The following CCDC125 variants were observed in gnomAD, a reference collection of about 807,000 sequenced individuals.
CCDC125 encodes the protein coiled-coil domain containing 125, also known as coiled-coil domain-containing protein 125.
In CCDC125, 43 loss-of-function variants were observed where a neutral mutation model predicts 57.4. That is an observed-to-expected ratio of 0.75 (90% CI 0.59 to 0.97). The LOEUF (loss-of-function observed/expected upper bound fraction) is 0.97, where lower values mean the gene tolerates loss of function less well. Ranked by LOEUF, CCDC125 falls within the 50% of genes least tolerant of loss-of-function variation. The probability of loss-of-function intolerance (pLI) is 0.00; values close to 1 mark genes in which losing one functional copy is unlikely to be tolerated. For synonymous variants in CCDC125, 187 were observed against 195.2 expected (o/e 0.96, Z 0.35); for missense variants, 563 against 595.7 (o/e 0.95, Z 0.57).
intron 8 of CCDC125, 71 bp downstream of exon 8, chr5:69,299,940 CA>C (rs1756101211): frequency 8.6e-7 from 1 of 1,162,870 alleles, no homozygotes; most frequent in Non-Finnish European, 1.3e-6. Flanking sequence ...AATGTGTACA[CA>C]AGGGCAATGG....
At chr5:69,321,362 A>G (rs947897033) in intron 1 of CCDC125, among the ~76,000 whole-genome samples, 1 of 152,218 alleles carries the variant, frequency 6.6e-6, no homozygotes. Flanking sequence ...AAGAAAACCC[A>G]TCAGTAAAGT....
chr5:69,289,323 G>T (rs1413597958), intron 10 of CCDC125, among the ~76,000 whole-genome samples: 1 of 152,168 alleles, frequency 6.6e-6, no homozygotes, highest in Non-Finnish European at 1.5e-5. Flanking sequence ...GCTATTAAGG[G>T]CTTAGCTGAG....
chr5:69,311,039 C>G (rs1365626897), intron 4 of CCDC125, 79 bp downstream of exon 4: 2 of 906,068 alleles, frequency 2.2e-6, no homozygotes, highest in Non-Finnish European at 3.4e-6. Context: ...GTCCTTCTGC[C>G]TTGGTTTTAA....
chr5:69,318,444 T>C (rs1367971684), intron 2 of CCDC125, among the ~76,000 whole-genome samples: 1 of 151,640 alleles, frequency 6.6e-6, no homozygotes, highest in Non-Finnish European at 1.5e-5. Context: ...AGACTGTCTC[T>C]TTTTAAAAAA....
the CCDC125 span, chr5:69,273,069 G>T: frequency 1.4e-6 from 2 of 1,400,920 alleles, no homozygotes; most frequent in Non-Finnish European, 1.9e-6. Flanking sequence ...TTTTATACTA[G>T]GAAATATAAA....
At chr5:69,303,717 A>C (rs1469840015) in intron 7 of CCDC125, 130 bp downstream of exon 7, 6 of 597,050 alleles carry the variant, frequency 1.0e-5, no homozygotes, top group Non-Finnish European at 1.7e-5. Context: ...CACCTTGATA[A>C]ATTTTCTTAA....
chr5:69,302,952 T>C (rs919701156), intron 7 of CCDC125, among the ~76,000 whole-genome samples: 2 of 152,116 alleles, frequency 1.3e-5, no homozygotes, highest in Admixed American at 1.3e-4. Context: ...AGATTTTACT[T>C]TGGAGTACTG....
intron 7 of CCDC125, among the ~76,000 whole-genome samples, chr5:69,300,464 G>A (rs890214899): frequency 5.3e-5 from 8 of 152,180 alleles, no homozygotes; most frequent in African/African-American, 1.9e-4. Flanking sequence ...TGAGAAAACT[G>A]GATGGTGAGA....
downstream of CCDC125, chr5:69,276,527 T>C: frequency 1.2e-6 from 2 of 1,611,238 alleles, no homozygotes; most frequent in Non-Finnish European, 1.7e-6. Flanking sequence ...ACTTTTGGTA[T>C]CTTTTCTTTT....
chr5:69,284,244 G>A (rs905441624), intron 11 of CCDC125, among the ~76,000 whole-genome samples: 4 of 151,660 alleles, frequency 2.6e-5, no homozygotes, highest in South Asian at 2.1e-4. Flanking sequence ...ATATATCAAC[G>A]TGCATATTTA....
chr5:69,301,015 C>T (rs972002910), intron 7 of CCDC125, among the ~76,000 whole-genome samples: 6 of 146,708 alleles, frequency 4.1e-5, no homozygotes, highest in African/African-American at 1.2e-4. Context: ...CCTTAACCTC[C>T]CAATCAGCCA....
At chr5:69,307,423 C>G (rs898859643) in intron 5 of CCDC125, among the ~76,000 whole-genome samples, 9 of 152,064 alleles carry the variant, frequency 5.9e-5, no homozygotes, top group Admixed American at 2.6e-4. Context: ...TGTCTCACGC[C>G]TGTAATCCCA....
At chr5:69,299,958 G>A (rs917116352) in intron 8 of CCDC125, 54 bp downstream of exon 8, 1 of 1,332,950 alleles carries the variant, frequency 7.5e-7, no homozygotes. Context: ...ATGGGAGAAA[G>A]AAAGGAAAGT....
At chr5:69,286,188 C>CTATATATATATATATA (rs59035946) in intron 10 of CCDC125, among the ~76,000 whole-genome samples, 1 of 51,340 alleles carries the variant, frequency 1.9e-5, no homozygotes, top group Non-Finnish European at 3.4e-5. Context: ...AAATGGTAAA[C>CTATATATATATATATA]TATATATATA....
chr5:69,306,281 T>G (rs1757315523), intron 6 of CCDC125, among the ~76,000 whole-genome samples: 1 of 152,162 alleles, frequency 6.6e-6, no homozygotes, highest in African/African-American at 2.4e-5. Flanking sequence ...AAATAATTCT[T>G]ACACTGTATT....
At chr5:69,294,696 C>T in intron 9 of CCDC125, 97 bp downstream of exon 9, 1 of 892,198 alleles carries the variant, frequency 1.1e-6, no homozygotes, top group Non-Finnish European at 1.8e-6. Flanking sequence ...TAGGCAATAA[C>T]TACTAAAATG....
chr5:69,326,288 T>A (rs1322382958), intron 1 of CCDC125, among the ~76,000 whole-genome samples: 1 of 152,234 alleles, frequency 6.6e-6, no homozygotes, highest in East Asian at 1.9e-4. Flanking sequence ...AGTAAAAGTC[T>A]AAAATATCTA....
intron 9 of CCDC125, 29 bp from the exon 10 acceptor site, chr5:69,292,391 T>C (rs1275356690): frequency 6.3e-7 from 1 of 1,587,388 alleles, no homozygotes; most frequent in Non-Finnish European, 8.6e-7. Flanking sequence ...TTGGGAGGTG[T>C]CAGAGGCAAA....
chr5:69,292,452 A>G, intron 9 of CCDC125, 90 bp from the exon 10 acceptor site: 1 of 864,842 alleles, frequency 1.2e-6, no homozygotes, highest in African/African-American at 1.7e-5. Context: ...ATGCAATCTC[A>G]CTGCCTAGCA....
Sources: gnomAD v4.1 joint callset for allele counts (sites outside exome capture counted in the v4.1 genomes callset) on GRCh38, gnomAD v4.1.1 for gene constraint, MANE v1.5 for transcripts, NCBI Gene and HGNC (gene_info 2026-07-23, HGNC 2026-07-21) for gene names.